NR1D2: variants seen among roughly 807,000 people sequenced by gnomAD.
NR1D2 encodes nuclear receptor subfamily 1 group D member 2, also known as V-erbA-related protein 1-related.
NR1D2 carries 25 observed loss-of-function variants against 52.2 expected under a neutral mutation model. The observed-to-expected ratio is 0.48, with a 90% CI of 0.35 to 0.67. NR1D2 has a LOEUF of 0.67. Ranked by LOEUF, NR1D2 falls within the 30% of genes least tolerant of loss-of-function variation. The pLI, the probability that NR1D2 is intolerant of heterozygous loss-of-function variation, is 0.01. For synonymous variants in NR1D2, 259 were observed against 230.1 expected (o/e 1.13, Z -1.14); for missense variants, 681 against 707.2 (o/e 0.96, Z 0.42).
At chr3:23,964,455 C>T (rs1706386242) in intron 5 of NR1D2, among the ~76,000 whole-genome samples, 1 of 152,204 alleles carries the variant, frequency 6.6e-6, no homozygotes, top group South Asian at 2.1e-4. Context: ...TGTAATTCTA[C>T]CTATATAGAA....
intron 1 of NR1D2, among the ~76,000 whole-genome samples, chr3:23,949,176 G>A (rs1421449835): frequency 6.6e-6 from 1 of 152,094 alleles, no homozygotes; most frequent in Non-Finnish European, 1.5e-5. Flanking sequence ...GACCAGCCTG[G>A]CTAACATGTG....
chr3:23,957,502 G>A (rs895460174), intron 3 of NR1D2, among the ~76,000 whole-genome samples: 3 of 147,526 alleles, frequency 2.0e-5, no homozygotes, highest in Admixed American at 1.3e-4. Context: ...GGATCACGAG[G>A]TCAGGAGATC....
At chr3:23,973,992 G>A (rs1483781009) in intron 7 of NR1D2, among the ~76,000 whole-genome samples, 5 of 150,522 alleles carry the variant, frequency 3.3e-5, no homozygotes, top group Admixed American at 3.3e-4. Context: ...ACATGCATGA[G>A]CTGTCATCAT....
intron 1 of NR1D2, among the ~76,000 whole-genome samples, chr3:23,949,295 G>A (rs528267101): frequency 1.3e-5 from 2 of 152,048 alleles, no homozygotes; most frequent in Admixed American, 6.5e-5. Flanking sequence ...AACCGAGGAG[G>A]CGGAGGTGGC....
intron 1 of NR1D2, among the ~76,000 whole-genome samples, chr3:23,950,902 C>CTTTTTCTTTTT (rs1351954635): frequency 1.6e-4 from 20 of 123,074 alleles, no homozygotes; most frequent in African/African-American, 3.9e-4. Flanking sequence ...CTTTCTTTTT[C>CTTTTTCTTTTT]TTTTTTTTTT....
Position 23,962,428 on chromosome 3 carries a change from A to G in NR1D2, c.969A>G (p.Lys323=), listed in dbSNP as rs149154168. ...ESQQHLNGQF[K]GRNIMHYPNG... ...AGCAGCATCTCAATGGACAGTTCAA[A>G]GGGAGGAATATAATGCATTACCCAA... The change falls in exon 5 of 8, where the codon AAA becomes AAG. Residue 323 remains lysine (K), a synonymous_variant. Transcript: ENST00000312521. 2 of 1,614,206 alleles carry G rather than the reference A, an allele frequency of 1.2e-6. No individual in the cohort carries two copies. Among genetic ancestry groups the G allele is most frequent in the Non-Finnish European group, 1.7e-6 (2 of 1,180,018 alleles).
intron 3 of NR1D2, among the ~76,000 whole-genome samples, chr3:23,958,580 C>T (rs990075487): frequency 1.4e-5 from 2 of 141,398 alleles, no homozygotes; most frequent in South Asian, 2.3e-4. Context: ...TTCGAAGTTG[C>T]GGTGAGCTAT....
chr3:23,958,686 G>C (rs894457546), intron 3 of NR1D2, among the ~76,000 whole-genome samples: 4 of 149,232 alleles, frequency 2.7e-5, no homozygotes, highest in African/African-American at 9.9e-5. Flanking sequence ...GGTGGCTCGT[G>C]CCTGTAATCC....
intron 4 of NR1D2, among the ~76,000 whole-genome samples, chr3:23,960,542 G>T (rs1177053776): frequency 1.3e-5 from 2 of 152,148 alleles, no homozygotes; most frequent in South Asian, 2.1e-4. Context: ...ATGTTGACCA[G>T]GCTGGTCTCG....
rs1706820557 is a variant in NR1D2, at chr3:23,979,486, G to A, written c.*2067G>A. On this transcript the variant is annotated 3_prime_UTR_variant, in exon 8 of 8. Coordinates refer to ENST00000312521, the MANE Select transcript of NR1D2 (RefSeq NM_005126.5). ...TAACATGTATCTTTAAAACAATTAA[G>A]TCTTTAGGAATGTGTAACCAGAACT... 1 of 151,850 alleles carries A rather than the reference G, an allele frequency of 6.6e-6. No individual in the cohort carries two copies. The highest frequency in any genetic ancestry group is 2.1e-4 in the South Asian group (1 of 4,812). 9.4% of individuals were successfully genotyped at this position (151,850 alleles called of 1,614,324 possible).
chr3:23,972,999 A>G (rs546711674), intron 7 of NR1D2, among the ~76,000 whole-genome samples: 1 of 152,344 alleles, frequency 6.6e-6, no homozygotes, highest in South Asian at 2.1e-4. Context: ...AGCCACTGAA[A>G]GACCAACAAC....
At chr3:23,970,896 C>T (rs1706571312) in intron 7 of NR1D2, among the ~76,000 whole-genome samples, 1 of 152,128 alleles carries the variant, frequency 6.6e-6, no homozygotes, top group African/African-American at 2.4e-5. Context: ...ATTCTCCTGC[C>T]TCAGCCTCCT....
At chr3:23,967,516 C>T (rs943585845) in intron 6 of NR1D2, among the ~76,000 whole-genome samples, 9 of 149,404 alleles carry the variant, frequency 6.0e-5, no homozygotes, top group East Asian at 4.0e-4. Context: ...CTTGGGAGGC[C>T]GAGGCAGGAG....
At chr3:23,970,495 A>G (rs1230367577) in intron 7 of NR1D2, among the ~76,000 whole-genome samples, 2 of 152,206 alleles carry the variant, frequency 1.3e-5, no homozygotes, top group Non-Finnish European at 2.9e-5. Flanking sequence ...TAATATCACT[A>G]CCAGAAAAGA....
chr3:23,946,236 G>A, intron 1 of NR1D2: 1 of 985,450 alleles, frequency 1.0e-6, no homozygotes. Context: ...ACCGGACGCC[G>A]CACGCTCTTT....
intron 5 of NR1D2, chr3:23,963,403 A>C: frequency 8.1e-7 from 1 of 1,236,214 alleles, no homozygotes; most frequent in Non-Finnish European, 1.0e-6. Flanking sequence ...TTTTGTTGTC[A>C]CTTGGAGTTA....
chr3:23,945,980 C>T (rs1280079369), intron 1 of NR1D2: 1 of 478,952 alleles, frequency 2.1e-6, no homozygotes, highest in Non-Finnish European at 2.7e-6. Context: ...TGAGGCCGCT[C>T]GGCTCCCTGA....
chr3:23,947,403 T>A (rs1705766893), intron 1 of NR1D2, among the ~76,000 whole-genome samples: 1 of 152,212 alleles, frequency 6.6e-6, no homozygotes, highest in African/African-American at 2.4e-5. Context: ...CTCATCTCTT[T>A]GTCCTTGCCC....
intron 6 of NR1D2, among the ~76,000 whole-genome samples, chr3:23,965,698 A>T (rs1706425589): frequency 6.6e-6 from 1 of 152,074 alleles, no homozygotes; most frequent in South Asian, 2.1e-4. Context: ...TTTACTTATT[A>T]TTTAGGATTT....
Sources: allele counts gnomAD v4.1 joint callset (sites outside exome capture counted in the v4.1 genomes callset), GRCh38; gene constraint gnomAD v4.1.1; transcripts MANE v1.5; gene names NCBI Gene and HGNC (gene_info 2026-07-23, HGNC 2026-07-21).